MAPK10: variants seen among roughly 807,000 people sequenced by gnomAD.
MAPK10 encodes the protein JNK3 alpha protein kinase.
A neutral mutation model predicts 59.3 loss-of-function variants in MAPK10; 25 were observed. The ratio of observed to expected loss-of-function variants is 0.42; its 90% CI spans 0.31 to 0.59. The LOEUF (loss-of-function observed/expected upper bound fraction) is 0.59, where lower values mean the gene tolerates loss of function less well. MAPK10 is among the 20% of genes least tolerant of loss of function. MAPK10 has a pLI of 0.15. For synonymous variants in MAPK10, 190 were observed against 200.5 expected, an observed-to-expected ratio of 0.95 and a Z score of 0.44; for missense variants, 351 against 568.9, an observed-to-expected ratio of 0.62 and a Z score of 3.90.
intron 1 of MAPK10, among the ~76,000 whole-genome samples, chr4:86,493,879 C>A (rs1210050320): frequency 1.3e-5 from 2 of 152,108 alleles, no homozygotes; most frequent in African/African-American, 4.8e-5. Flanking sequence ...AAGTCTTAAG[C>A]CTTTCTTTCC....
At chr4:86,174,737 G>A (rs1367016694) in intron 3 of MAPK10, among the ~76,000 whole-genome samples, 1 of 152,150 alleles carries the variant, frequency 6.6e-6, no homozygotes, top group African/African-American at 2.4e-5. Context: ...TTGCTCACCT[G>A]AATTGGAATT....
intron 2 of MAPK10, among the ~76,000 whole-genome samples, chr4:86,254,440 G>T (rs1274117657): frequency 1.3e-5 from 1 of 75,912 alleles, no homozygotes; most frequent in Non-Finnish European, 2.3e-5. Flanking sequence ...GTACCCAGTA[G>T]TCATTCAGGA....
At chr4:86,315,500 T>G (rs1386371784) in intron 2 of MAPK10, among the ~76,000 whole-genome samples, 2 of 152,068 alleles carry the variant, frequency 1.3e-5, no homozygotes, top group Non-Finnish European at 2.9e-5. Flanking sequence ...TATCAAAATA[T>G]CTCATGTATC....
rs1298376908 is a variant in MAPK10 at position 86,011,926 on chromosome 4, C to A, written c.*5302G>T. 6.6e-6 allele frequency: 1 copy of A among 152,224 alleles called. No individual in the cohort carries two copies. Among genetic ancestry groups the A allele is most frequent in the East Asian group, 1.9e-4 (1 of 5,196 alleles). 9.4% of individuals were successfully genotyped at this position (152,224 alleles called of 1,614,324 possible). On this transcript the variant is annotated 3_prime_UTR_variant, in exon 14 of 14. Coordinates refer to ENST00000641462, the MANE Select transcript of MAPK10 (RefSeq NM_138982.4). ...ACTAATGCAAGTGCAGTGACCTCTTCATCCAGCCACAAAATCATATATATT... is the reference window on the plus strand; with the variant it reads ...ACTAATGCAAGTGCAGTGACCTCTTAATCCAGCCACAAAATCATATATATT...
At position 86,013,592 on chromosome 4, in the gene MAPK10, G is replaced by C. The variant is rs747286995; in HGVS notation, c.*3636C>G. 1 of 151,984 alleles carries C rather than the reference G, an allele frequency of 6.6e-6. No individual in the cohort carries two copies. 9.4% of individuals were successfully genotyped at this position (151,984 alleles called of 1,614,324 possible). ...TATTTACAATTTTAAAACAAATCAA[G>C]TTTGCTTATTTTTTTTTCCTTGACA... On this transcript the variant is annotated 3_prime_UTR_variant, in exon 14 of 14. Transcript: ENST00000641462.
intron 1 of MAPK10, among the ~76,000 whole-genome samples, chr4:86,548,626 A>G (rs890562116): frequency 1.3e-5 from 2 of 152,204 alleles, no homozygotes; most frequent in African/African-American, 4.8e-5. Context: ...ATTGAAAGTT[A>G]GTAAAGGCCA....
In MAPK10 at chr4:86,017,180, A is replaced by C. The variant is rs915201409; in HGVS notation, c.*48T>G. ...GTGTGTCTGCGTGTGTGTGTGTTCC[A>C]TCACATCATCTCCTGAAGAACGCTG... On this transcript the variant is annotated 3_prime_UTR_variant, in exon 14 of 14. Coordinates refer to ENST00000641462, the MANE Select transcript of MAPK10 (RefSeq NM_138982.4). The surrounding 1 kb of genome is among the most constrained non-coding windows in gnomAD (Gnocchi z 4.4). The C allele has an allele frequency of 6.3e-7, 1 of 1,598,112 alleles. No individual in the cohort carries two copies. Among genetic ancestry groups the C allele is most frequent in the Non-Finnish European group, 8.5e-7 (1 of 1,171,348 alleles).
intron 2 of MAPK10, among the ~76,000 whole-genome samples, chr4:86,225,379 C>T (rs997985607): frequency 6.6e-6 from 1 of 152,134 alleles, no homozygotes; most frequent in African/African-American, 2.4e-5. Flanking sequence ...TTTCAGTGAG[C>T]CTTCCTGGTA....
intron 11 of MAPK10, among the ~76,000 whole-genome samples, chr4:86,057,774 T>TAA (rs1174976116): frequency 6.7e-6 from 1 of 149,150 alleles, no homozygotes; most frequent in Non-Finnish European, 1.5e-5. Context: ...GAGAAAAGGG[T>TAA]AAGAAGTGAA....
intron 2 of MAPK10, among the ~76,000 whole-genome samples, chr4:86,241,885 C>T (rs777383302): frequency 2.0e-5 from 3 of 152,118 alleles, no homozygotes; most frequent in Non-Finnish European, 4.4e-5. Context: ...AGAGATGTTG[C>T]GATCATTTAG....
intron 9 of MAPK10, among the ~76,000 whole-genome samples, chr4:86,092,384 G>A (rs2053412985): frequency 1.3e-5 from 2 of 151,826 alleles, no homozygotes; most frequent in African/African-American, 4.8e-5. Context: ...TTGAATATAT[G>A]CACATAAATT....
At chr4:86,355,661 G>A (rs1734059240) in intron 1 of MAPK10, among the ~76,000 whole-genome samples, 1 of 152,092 alleles carries the variant, frequency 6.6e-6, no homozygotes, top group African/African-American at 2.4e-5. Context: ...TATTTGGTGT[G>A]TCCCTATTGT....
chr4:86,464,531 C>T lies in MAPK10; in HGVS notation c.-262-109887G>A, dbSNP rs117702037. ...GCAAACAGCAGTTAAGAGTAGAATG[C>T]ACCCTTTTTGCTGGGTGCAGTGGCT... On this transcript the variant is annotated intron_variant, in intron 1 of 4. Coordinates refer to the MAPK10 transcript ENST00000502302. 7.8e-4 allele frequency among the ~76,000 whole-genome samples: 119 copies of T among 152,346 alleles called. No homozygotes were observed. In the East Asian group the frequency reaches 0.017, roughly 21 times the overall value.
At chr4:86,027,464 AG>A (rs1750938104) in intron 13 of MAPK10, 1 of 152,248 alleles carries the variant, frequency 6.6e-6, no homozygotes, top group African/African-American at 2.4e-5. Flanking sequence ...CTTTATGTGA[AG>A]CATGAAAAAA....
intron 1 of MAPK10, among the ~76,000 whole-genome samples, chr4:86,517,359 T>G (rs559936061): frequency 6.4e-5 from 9 of 140,264 alleles, no homozygotes; most frequent in African/African-American, 2.4e-4. Flanking sequence ...CACTGCAAGC[T>G]CCGCCTCCCG....
At chr4:86,066,771 A>G (rs973450666) in intron 10 of MAPK10, among the ~76,000 whole-genome samples, 9 of 149,956 alleles carry the variant, frequency 6.0e-5, no homozygotes, top group Admixed American at 1.3e-4. Flanking sequence ...AAAAAAAAAA[A>G]AAAAGAAAGG....
chr4:86,517,430 C>T (rs1311850299), intron 1 of MAPK10, among the ~76,000 whole-genome samples: 2 of 151,918 alleles, frequency 1.3e-5, no homozygotes, highest in Admixed American at 6.5e-5. Context: ...GGCCGGCCAC[C>T]GCGCCCGGCT....
chr4:86,265,613 C>T (rs1010341279), intron 2 of MAPK10, among the ~76,000 whole-genome samples: 14 of 151,892 alleles, frequency 9.2e-5, no homozygotes, highest in African/African-American at 3.1e-4. Flanking sequence ...ACTTGAAGTG[C>T]AATGGCTTTG....
Position 86,159,306 on chromosome 4 carries a change from G to A in MAPK10, c.228C>T (p.Gly76=), listed in dbSNP as rs1303999718. ...NLKPIGSGAQ[G]IVCAAYDAVL... ...AAATCCATTCCGCTTACCAAACTAT[G>A]CCCTGAGCCCCAGAGCCAATAGGCT... Residue 76 remains glycine (G), a synonymous_variant, in exon 4 of 14, where the codon GGC becomes GGT. Coordinates refer to ENST00000641462, the MANE Select transcript of MAPK10 (RefSeq NM_138982.4). The A allele has an allele frequency of 1.9e-6, 3 of 1,606,624 alleles. No individual in the cohort carries two copies. The highest frequency in any genetic ancestry group is 2.6e-6 in the Non-Finnish European group (3 of 1,176,374).
Sources: gnomAD v4.1 joint callset for allele counts (sites outside exome capture counted in the v4.1 genomes callset) on GRCh38, gnomAD v4.1.1 for gene constraint, Gnocchi (gnomAD v3.1) non-coding constraint, MANE v1.5 for transcripts, NCBI Gene and HGNC (gene_info 2026-07-23, HGNC 2026-07-21) for gene names.